CCDC88A: variants seen among roughly 807,000 people sequenced by gnomAD.
The protein encoded by CCDC88A is coiled-coil and HOOK domain protein 88A, also known as girdin.
Under a neutral mutation model 234.3 loss-of-function variants are expected in CCDC88A, and 54 were observed. That is an observed-to-expected ratio of 0.23 (90% CI 0.19 to 0.29). The LOEUF (loss-of-function observed/expected upper bound fraction) is 0.29, where lower values mean the gene tolerates loss of function less well. Ranked by LOEUF, CCDC88A falls within the 10% of genes least tolerant of loss-of-function variation. The pLI, the probability that CCDC88A is intolerant of heterozygous loss-of-function variation, is 1.00. For missense variants in CCDC88A, 1,832 were observed against 2,123.4 expected, an observed-to-expected ratio of 0.86 and a Z score of 2.70; for synonymous variants, 753 against 737.8, an observed-to-expected ratio of 1.02 and a Z score of -0.33.
intron 18 of CCDC88A, among the ~76,000 whole-genome samples, chr2:55,322,217 G>C (rs528791086): frequency 6.6e-6 from 1 of 152,274 alleles, no homozygotes; most frequent in African/African-American, 2.4e-5. Flanking sequence ...AACTAAAGCA[G>C]TGGAACAATA....
At position 55,303,132 on chromosome 2, in the gene CCDC88A, G is replaced by C; in HGVS notation, c.4408C>G (p.Pro1470Ala). ...KSSMVALKRLPFLRNRPKDKD... is the reference protein window; with the variant it reads ...KSSMVALKRLAFLRNRPKDKD... Reference sequence around the variant, plus strand: ...TCCTTCGGTCTGTTCCTCAAAAAGGGCAGTCTTTTCAGTGCAACCACTTTA... The same window carrying C: ...TCCTTCGGTCTGTTCCTCAAAAAGGCCAGTCTTTTCAGTGCAACCACTTTA... The change falls in exon 26 of 33, where the codon CCC becomes GCC. Residue 1470 changes from proline to alanine, a missense_variant. Around this residue, in one of 6 missense-constraint regions of CCDC88A, gnomAD observed 1,282 missense variants for 1,543.6 expected, o/e 0.83. Transcript: ENST00000436346. 18 of 1,551,024 alleles carry C rather than the reference G, an allele frequency of 1.2e-5. No individual in the cohort carries two copies. The highest frequency in any genetic ancestry group is 1.6e-5 in the Non-Finnish European group (18 of 1,146,200).
intron 3 of CCDC88A, among the ~76,000 whole-genome samples, chr2:55,380,040 A>T (rs1674331468): frequency 7.7e-6 from 1 of 130,702 alleles, no homozygotes; most frequent in Admixed American, 9.4e-5. Context: ...CCTGACCAGG[A>T]TGGCAAAGCC....
In CCDC88A at chr2:55,343,641, G is replaced by C; in HGVS notation, c.1333+7C>G. 1.3e-6 allele frequency: 2 copies of C among 1,582,240 alleles called. No individual in the cohort carries two copies. The highest frequency in any genetic ancestry group is 4.5e-5 in the East Asian group (2 of 44,252). On this transcript the variant is annotated splice_region_variant and intron_variant, in intron 12 of 32. Transcript: ENST00000436346. ...TTATCTATTTAAATTAAAAAAATTG[G>C]GAATACCTTCGGAAAGTTCACTAGT...
chr2:55,384,519 TTATA>T (rs66744262), intron 3 of CCDC88A, among the ~76,000 whole-genome samples: 1 of 11,842 alleles, frequency 8.4e-5, no homozygotes, highest in African/African-American at 6.2e-4. Context: ...TATATATAAA[TTATA>T]TATATATACA....
chr2:55,291,778 G>A lies in CCDC88A; in HGVS notation c.5552-3C>T. On this transcript the variant is annotated splice_polypyrimidine_tract_variant and splice_region_variant and intron_variant, in intron 31 of 32. Transcript: ENST00000436346. ...GCTTTCTTGTACTTTGTCCACATCT[G>A]CAGGAGAAAAGCATTTCATGTTATT... The A allele has an allele frequency of 1.2e-6, 2 of 1,608,516 alleles. No individual in the cohort carries two copies. Among genetic ancestry groups the A allele is most frequent in the Non-Finnish European group, 1.7e-6 (2 of 1,176,138 alleles).
chr2:55,301,453 T>G (rs1169877431), intron 27 of CCDC88A, 176 bp from the exon 28 acceptor site: 7 of 527,472 alleles, frequency 1.3e-5, no homozygotes. Flanking sequence ...ATGACAACTC[T>G]CATTAGAGTT....
intron 2 of CCDC88A, among the ~76,000 whole-genome samples, chr2:55,389,190 A>G (rs1676185876): frequency 6.6e-6 from 1 of 152,224 alleles, no homozygotes; most frequent in Admixed American, 6.5e-5. Context: ...TTTCCTTTGA[A>G]TATATAGTTC....
intron 3 of CCDC88A, among the ~76,000 whole-genome samples, chr2:55,380,049 C>A (rs1256904090): frequency 7.9e-6 from 1 of 126,668 alleles, no homozygotes; most frequent in Non-Finnish European, 1.6e-5. Context: ...GATGGCAAAG[C>A]CCTGTCTCTA....
chr2:55,338,072 TA>T (rs35086686), intron 13 of CCDC88A, among the ~76,000 whole-genome samples: 18 of 152,272 alleles, frequency 1.2e-4, no homozygotes, highest in Admixed American at 5.9e-4. Context: ...ATTCAGTTTA[TA>T]AAAAAATCAT....
At position 55,317,465 on chromosome 2, in the gene CCDC88A, T is replaced by G. The variant is rs571395222; in HGVS notation, c.3602+99A>C. On this transcript the variant is annotated intron_variant, in intron 20 of 32. Coordinates refer to ENST00000436346, the MANE Select transcript of CCDC88A (RefSeq NM_001365480.1). This position sits in a 1 kb window ranked among gnomAD's most constrained non-coding sequence, Gnocchi z 4.2. Reference sequence around the variant, plus strand: ...CATGTAAATTTATATAAATTTCTTATGTAAACTAACATTAGATGTGTTTAA... The same window carrying G: ...CATGTAAATTTATATAAATTTCTTAGGTAAACTAACATTAGATGTGTTTAA... 5 of 1,129,054 alleles carry G rather than the reference T, an allele frequency of 4.4e-6. No individual in the cohort carries two copies. The highest frequency in any genetic ancestry group is 1.6e-5 in the African/African-American group (1 of 62,916). 69.9% of individuals were successfully genotyped at this position (1,129,054 alleles called of 1,614,324 possible). A position where few individuals can be genotyped will look rare whatever the true frequency, so the allele number is the denominator to read the frequency against.
At chr2:55,388,056 C>A (rs924983190) in intron 3 of CCDC88A, among the ~76,000 whole-genome samples, 2 of 152,116 alleles carry the variant, frequency 1.3e-5, no homozygotes, top group Admixed American at 6.6e-5. Flanking sequence ...TGCTCTCACT[C>A]TGCGCCCAAA....
In CCDC88A at chr2:55,317,068, T is replaced by C. The variant is rs1574077457; in HGVS notation, c.3746+138A>G. The C allele has an allele frequency of 3.4e-6, 1 of 295,498 alleles. No individual in the cohort carries two copies. 18.3% of individuals were successfully genotyped at this position (295,498 alleles called of 1,614,324 possible). On this transcript the variant is annotated intron_variant, in intron 21 of 32. Coordinates refer to ENST00000436346, the MANE Select transcript of CCDC88A (RefSeq NM_001365480.1). This position sits in a 1 kb window ranked among gnomAD's most constrained non-coding sequence, Gnocchi z 4.2. ...TTTTTAAAATTCCGAATTCAAACTA[T>C]GCTTGGTACTACAAAGGGGCAGTAT...
chr2:55,413,478 C>T (rs182477906), intron 2 of CCDC88A, among the ~76,000 whole-genome samples: 7 of 152,304 alleles, frequency 4.6e-5, no homozygotes, highest in African/African-American at 7.2e-5. Flanking sequence ...CAATAAGTAG[C>T]ACAGCTAGAA....
intron 23 of CCDC88A, among the ~76,000 whole-genome samples, chr2:55,310,665 G>A (rs904907195): frequency 2.6e-5 from 4 of 152,146 alleles, no homozygotes; most frequent in Middle Eastern, 6.3e-3. Context: ...TTACAGTGGT[G>A]GAGACTAGGA....
At chr2:55,325,929 T>C (rs574798010) in intron 17 of CCDC88A, among the ~76,000 whole-genome samples, 1 of 152,246 alleles carries the variant, frequency 6.6e-6, no homozygotes, top group Admixed American at 6.5e-5. Flanking sequence ...CTAACATTAA[T>C]ATAGCCAATC....
intron 9 of CCDC88A, among the ~76,000 whole-genome samples, chr2:55,348,253 C>T (rs1273097540): frequency 6.6e-6 from 1 of 151,708 alleles, no homozygotes; most frequent in South Asian, 2.1e-4. Flanking sequence ...GCATGAGCCA[C>T]TGCGCCCAAC....
At chr2:55,314,060 G>T (rs1459510520) in intron 22 of CCDC88A, 1 of 152,218 alleles carries the variant, frequency 6.6e-6, no homozygotes, top group Non-Finnish European at 1.5e-5. Flanking sequence ...AAGTGATGGT[G>T]TAACAGTTCC....
Position 55,302,886 on chromosome 2 carries a change from C to A in CCDC88A, c.4471+183G>T, listed in dbSNP as rs79310467. ...ATATGCACGTATATGTATCAGTGGA[C>A]ATATACATAATGCAAATTCAGTGCC... On this transcript the variant is annotated intron_variant, in intron 26 of 32. Coordinates refer to ENST00000436346, the MANE Select transcript of CCDC88A (RefSeq NM_001365480.1). 3,992 of 518,826 alleles carry A rather than the reference C, an allele frequency of 7.7e-3. 23 individuals are homozygous for A. Among genetic ancestry groups the A allele is most frequent in the Non-Finnish European group, 0.011 (3,059 of 285,782 alleles). 32.1% of individuals were successfully genotyped at this position (518,826 alleles called of 1,614,324 possible).
intron 17 of CCDC88A, among the ~76,000 whole-genome samples, chr2:55,324,952 C>G (rs923516336): frequency 2.6e-5 from 4 of 152,132 alleles, no homozygotes; most frequent in Non-Finnish European, 5.9e-5. Flanking sequence ...GGCCATGGGC[C>G]AGGACTTTTT....
Sources: gnomAD v4.1 joint callset for allele counts (sites outside exome capture counted in the v4.1 genomes callset) on GRCh38, gnomAD v4.1.1 for gene constraint, gnomAD v4.1.1 regional missense constraint, Gnocchi (gnomAD v3.1) non-coding constraint, MANE v1.5 for transcripts, NCBI Gene and HGNC (gene_info 2026-07-23, HGNC 2026-07-21) for gene names.